The following SPACA7 variants were observed in gnomAD, a reference collection of about 807,000 sequenced individuals.
SPACA7 encodes the protein sperm acrosome associated 7, also known as sperm acrosome-associated protein 7.
A neutral mutation model predicts 26.3 loss-of-function variants in SPACA7; 19 were observed. The ratio of observed to expected loss-of-function variants is 0.72; its 90% CI spans 0.50 to 1.06. SPACA7 has a LOEUF of 1.06. Among genes scored for constraint, SPACA7 ranks in the 50% least tolerant of loss-of-function variants. The pLI, the probability that SPACA7 is intolerant of heterozygous loss-of-function variation, is 0.00. For synonymous variants in SPACA7, 84 were observed against 84.5 expected, an observed-to-expected ratio of 0.99 and a Z score of 0.04; for missense variants, 211 against 229.9, an observed-to-expected ratio of 0.92 and a Z score of 0.53.
intron 5 of SPACA7, among the ~76,000 whole-genome samples, chr13:112,422,868 C>T (rs980736936): frequency 6.6e-6 from 1 of 152,118 alleles, no homozygotes; most frequent in Non-Finnish European, 1.5e-5. Flanking sequence ...AAAAAGTGTT[C>T]TTGGAGTTAA....
chr13:112,420,806 G>A (rs966019568), intron 5 of SPACA7, among the ~76,000 whole-genome samples: 1 of 151,910 alleles, frequency 6.6e-6, no homozygotes, highest in Non-Finnish European at 1.5e-5. Context: ...TAAAAAGAGG[G>A]TATATTGAAG....
chr13:112,414,242 G>T lies in SPACA7; in HGVS notation c.445+13078G>T, dbSNP rs541460906. ...GTATTCAAGCCTGATTCTCCTGCCTGATCAATTCTGCTGTTGAGACACTCT... is the reference window on the plus strand; with the variant it reads ...GTATTCAAGCCTGATTCTCCTGCCTTATCAATTCTGCTGTTGAGACACTCT... On this transcript the variant is annotated intron_variant, in intron 5 of 6. Transcript: ENST00000283550. 6.1e-5 allele frequency among the ~76,000 whole-genome samples: 9 copies of T among 147,802 alleles called. No homozygotes were observed. In the South Asian group the frequency reaches 2.0e-3, roughly 34 times the overall value.
At chr13:112,425,770 A>G (rs1162094035) in intron 5 of SPACA7, among the ~76,000 whole-genome samples, 1 of 152,086 alleles carries the variant, frequency 6.6e-6, no homozygotes, top group Non-Finnish European at 1.5e-5. Flanking sequence ...TGGGGGACAC[A>G]TTGTCTCTGC....
chr13:112,411,571 A>C (rs958790219), intron 5 of SPACA7, among the ~76,000 whole-genome samples: 2 of 152,060 alleles, frequency 1.3e-5, no homozygotes, highest in Non-Finnish European at 2.9e-5. Flanking sequence ...GTTCCCATTA[A>C]CCAATCTCTC....
chr13:112,416,606 A>G (rs1886707799), intron 5 of SPACA7, among the ~76,000 whole-genome samples: 1 of 152,116 alleles, frequency 6.6e-6, no homozygotes, highest in Non-Finnish European at 1.5e-5. Context: ...TCAGTTTTTA[A>G]TGGTGTACTT....
At chr13:112,404,185 G>A (rs1885828545) in intron 5 of SPACA7, among the ~76,000 whole-genome samples, 1 of 152,170 alleles carries the variant, frequency 6.6e-6, no homozygotes, top group Non-Finnish European at 1.5e-5. Context: ...GTGATGTTCA[G>A]CATTTTTTCA....
At chr13:112,429,332 T>C (rs1876840887) in intron 5 of SPACA7, among the ~76,000 whole-genome samples, 1 of 151,130 alleles carries the variant, frequency 6.6e-6, no homozygotes, top group South Asian at 2.1e-4. Flanking sequence ...GCCAAGATGG[T>C]GCCACTGCAC....
chr13:112,418,823 G>A (rs67960741), intron 5 of SPACA7, among the ~76,000 whole-genome samples: 39,329 of 151,860 alleles, frequency 0.26, 5,487 homozygotes, highest in South Asian at 0.38. Flanking sequence ...ACATAAGTAC[G>A]TTTCAGGTTC....
At chr13:112,390,680 C>T (rs1008909389) in intron 1 of SPACA7, among the ~76,000 whole-genome samples, 1 of 152,184 alleles carries the variant, frequency 6.6e-6, no homozygotes, top group African/African-American at 2.4e-5. Flanking sequence ...GCAGGAGGAA[C>T]AGAGAGCGTG....
Position 112,376,407 on chromosome 13 carries a change from G to T in SPACA7, c.22G>T (p.Gly8Trp). MAVSQGD[G>W]TLCFVLLLCC... is the part of the protein sequence containing the mutation. Reference sequence around the variant, plus strand: ...GAGCATGGCAGTGAGCCAAGGAGACGGGACCCTCTGCTTTGTCCTCCTGCT... The same window carrying T: ...GAGCATGGCAGTGAGCCAAGGAGACTGGACCCTCTGCTTTGTCCTCCTGCT... Residue 8 changes from glycine (G) to tryptophan (W), a missense_variant, in exon 1 of 7, where the codon GGG (glycine) becomes TGG (tryptophan). By Grantham distance (184) the Gly-to-Trp change is radical. Coordinates refer to ENST00000283550, the MANE Select transcript of SPACA7 (RefSeq NM_145248.5). 1 of 1,613,678 alleles carries T rather than the reference G, an allele frequency of 6.2e-7. No individual in the cohort carries two copies. The highest frequency in any genetic ancestry group is 8.5e-7 in the Non-Finnish European group (1 of 1,179,862).
chr13:112,391,755 A>T (rs1884903060), intron 1 of SPACA7, among the ~76,000 whole-genome samples: 2 of 152,246 alleles, frequency 1.3e-5, no homozygotes, highest in African/African-American at 4.8e-5. Flanking sequence ...GGACAGACAC[A>T]AAATGAAAAG....
At chr13:112,401,026 A>G in intron 4 of SPACA7, 43 bp from the exon 5 acceptor site, 1 of 1,449,922 alleles carries the variant, frequency 6.9e-7, no homozygotes, top group Non-Finnish European at 9.7e-7. Flanking sequence ...TAAGTGTGTA[A>G]TCAAGGACAT....
rs551304031 is a variant in SPACA7 at position 112,380,904 on chromosome 13, C to T, written c.94+4425C>T. ...GAGTAGACAGTTGTGAATTGTGTCACATATAGCATTCTGTAACAAAGTAGC... is the reference window on the plus strand; with the variant it reads ...GAGTAGACAGTTGTGAATTGTGTCATATATAGCATTCTGTAACAAAGTAGC... On this transcript the variant is annotated intron_variant, in intron 1 of 6. Coordinates refer to ENST00000283550, the MANE Select transcript of SPACA7 (RefSeq NM_145248.5). Among the ~76,000 whole-genome samples the T allele has an allele frequency of 3.9e-5, 6 of 152,304 alleles. No homozygotes were observed. The South Asian group carries it at 1.2e-3, about 32-fold the overall frequency.
At position 112,376,459 on chromosome 13, in the gene SPACA7, G is replaced by A. The variant is rs80048274; in HGVS notation, c.74G>A (p.Arg25Gln). The change falls in exon 1 of 7, where the codon CGG (arginine) becomes CAG (glutamine). Residue 25 changes from arginine to glutamine, a missense_variant. Coordinates refer to ENST00000283550, the MANE Select transcript of SPACA7 (RefSeq NM_145248.5). ...LLCCWQETEL[R>Q]PRTVIPGSPT... Reference sequence around the variant, plus strand: ...TGCTGTTGGCAAGAAACTGAGCTCCGGCCGAGAACCGTGATTCCAGGTAGG... The same window carrying A: ...TGCTGTTGGCAAGAAACTGAGCTCCAGCCGAGAACCGTGATTCCAGGTAGG... The A allele has an allele frequency of 0.015, 24,865 of 1,613,294 alleles. 236 individuals are homozygous for A. The highest frequency in any genetic ancestry group is 0.028 in the Middle Eastern group (169 of 6,060).
chr13:112,394,907 A>G (rs9577353), intron 2 of SPACA7, among the ~76,000 whole-genome samples: 16,377 of 152,024 alleles, frequency 0.11, 2,065 homozygotes, highest in African/African-American at 0.3. Context: ...CCTAGAAGGA[A>G]GCAGCAGCTC....
chr13:112,380,117 T>A (rs1468488825), intron 1 of SPACA7, among the ~76,000 whole-genome samples: 1 of 152,120 alleles, frequency 6.6e-6, no homozygotes, highest in African/African-American at 2.4e-5. Context: ...TACAATCTCT[T>A]ATTAAGAACA....
chr13:112,401,289 A>T, intron 5 of SPACA7, 125 bp downstream of exon 5: 2 of 680,502 alleles, frequency 2.9e-6, no homozygotes, highest in Non-Finnish European at 5.1e-6. Context: ...CACCAACATC[A>T]TGGTGAGAAG....
chr13:112,406,959 A>G (rs112961472), intron 5 of SPACA7, among the ~76,000 whole-genome samples: 2 of 152,290 alleles, frequency 1.3e-5, no homozygotes, highest in Non-Finnish European at 2.9e-5. Context: ...TTGACCACAT[A>G]GTTGGAAGTA....
intron 3 of SPACA7, 90 bp downstream of exon 3, chr13:112,398,228 T>C: frequency 2.0e-6 from 2 of 977,906 alleles, no homozygotes; most frequent in Non-Finnish European, 3.2e-6. Flanking sequence ...ACCCTATAAT[T>C]TGAGCATTAA....
Sources: gnomAD v4.1 joint callset for allele counts (sites outside exome capture counted in the v4.1 genomes callset) on GRCh38, gnomAD v4.1.1 for gene constraint, MANE v1.5 for transcripts, NCBI Gene and HGNC (gene_info 2026-07-23, HGNC 2026-07-21) for gene names.